Variants in SETBP1 observed in about 807,000 individuals in gnomAD.
The protein encoded by SETBP1 is SET-binding protein.
In SETBP1, 9 loss-of-function variants were observed where a neutral mutation model predicts 101.0. That is an observed-to-expected ratio of 0.09 (90% CI 0.05 to 0.16). The LOEUF (loss-of-function observed/expected upper bound fraction) is 0.16. Among genes scored for constraint, SETBP1 ranks in the 10% least tolerant of loss-of-function variants. The pLI is 1.00. For synonymous variants in SETBP1, 818 were observed against 788.5 expected (o/e 1.04, Z -0.63); for missense variants, 1,858 against 2,033.8 (o/e 0.91, Z 1.66).
intron 5 of SETBP1, among the ~76,000 whole-genome samples, chr18:45,039,357 C>G (rs1365374875): frequency 6.6e-6 from 1 of 152,228 alleles, no homozygotes; most frequent in Admixed American, 6.5e-5. Context: ...TCCACTGTGT[C>G]AGTCTCATCC....
chr18:44,796,419 C>T (rs2071476173), intron 2 of SETBP1, among the ~76,000 whole-genome samples: 1 of 152,184 alleles, frequency 6.6e-6, no homozygotes, highest in Non-Finnish European at 1.5e-5. Flanking sequence ...CTTGTCCATC[C>T]TCACTGAATG....
At chr18:45,016,030 C>G (rs1398717655) in intron 4 of SETBP1, among the ~76,000 whole-genome samples, 1 of 152,122 alleles carries the variant, frequency 6.6e-6, no homozygotes, top group Admixed American at 6.6e-5. Flanking sequence ...CCTTCCTAAA[C>G]AGACAATCCA....
At chr18:44,817,811 T>C (rs2072015544) in intron 2 of SETBP1, among the ~76,000 whole-genome samples, 1 of 152,232 alleles carries the variant, frequency 6.6e-6, no homozygotes, top group Non-Finnish European at 1.5e-5. Context: ...CGTGGGTCTC[T>C]GTTGAACGAT....
intron 5 of SETBP1, among the ~76,000 whole-genome samples, chr18:45,061,904 C>T (rs908658319): frequency 6.6e-6 from 1 of 152,194 alleles, no homozygotes; most frequent in African/African-American, 2.4e-5. Context: ...GAACATGCAG[C>T]GTAAATCATA....
chr18:44,840,154 T>C (rs2072587892), intron 2 of SETBP1, among the ~76,000 whole-genome samples: 1 of 152,240 alleles, frequency 6.6e-6, no homozygotes, highest in African/African-American at 2.4e-5. Context: ...TTATGAGGCT[T>C]ACAACGTTTA....
rs147400450 is a variant in SETBP1, at chr18:44,805,452, A to T, written c.487-63778A>T. On this transcript the variant is annotated intron_variant, in intron 2 of 5. Coordinates refer to ENST00000649279, the MANE Select transcript of SETBP1 (RefSeq NM_015559.3). Reference sequence around the variant, plus strand: ...TGTGTGTGGGTGTGTTTGTACGTGTACTTCTCTTCCTTCACCGTCTCAAAA... The same window carrying T: ...TGTGTGTGGGTGTGTTTGTACGTGTTCTTCTCTTCCTTCACCGTCTCAAAA... 1.5e-4 allele frequency among the ~76,000 whole-genome samples: 22 copies of T among 150,970 alleles called. No homozygotes were observed. The East Asian group carries it at 4.3e-3, about 30-fold the overall frequency.
intron 4 of SETBP1, among the ~76,000 whole-genome samples, chr18:44,996,581 A>T (rs1328232197): frequency 6.6e-6 from 1 of 152,228 alleles, no homozygotes; most frequent in Non-Finnish European, 1.5e-5. Flanking sequence ...AATCCTCCCC[A>T]TTCATATCGA....
At chr18:44,999,370 T>A (rs1398220679) in intron 4 of SETBP1, among the ~76,000 whole-genome samples, 1 of 152,234 alleles carries the variant, frequency 6.6e-6, no homozygotes, top group Non-Finnish European at 1.5e-5. Context: ...AGCATAAGAA[T>A]GACCCTTTGA....
intron 4 of SETBP1, among the ~76,000 whole-genome samples, chr18:44,994,181 A>G (rs2072441754): frequency 6.6e-6 from 1 of 152,096 alleles, no homozygotes; most frequent in Non-Finnish European, 1.5e-5. Flanking sequence ...TACATAAAAA[A>G]CCTGGGTAAA....
At chr18:44,911,940 C>CA (rs2070319326) in intron 3 of SETBP1, among the ~76,000 whole-genome samples, 1 of 128,470 alleles carries the variant, frequency 7.8e-6, no homozygotes, top group Non-Finnish European at 1.7e-5. Flanking sequence ...CATACACACA[C>CA]CCACACACAC....
chr18:44,872,809 G>C (rs938043902), intron 3 of SETBP1, among the ~76,000 whole-genome samples: 3 of 152,232 alleles, frequency 2.0e-5, no homozygotes, highest in African/African-American at 7.2e-5. Flanking sequence ...ACCATATTCA[G>C]ACTCAGGTCC....
At chr18:44,808,472 AG>A (rs1213291815) in intron 2 of SETBP1, among the ~76,000 whole-genome samples, 3 of 152,172 alleles carry the variant, frequency 2.0e-5, no homozygotes, top group African/African-American at 7.2e-5. Flanking sequence ...TAGCTCAGGA[AG>A]TCTTCAGGGG....
At chr18:44,898,577 G>A (rs1210437417) in intron 3 of SETBP1, among the ~76,000 whole-genome samples, 2 of 152,064 alleles carry the variant, frequency 1.3e-5, no homozygotes, top group Non-Finnish European at 2.9e-5. Flanking sequence ...TGAGTTTGGG[G>A]AAGGAAGCCA....
intron 4 of SETBP1, among the ~76,000 whole-genome samples, chr18:44,963,360 A>G (rs899282270): frequency 6.6e-6 from 1 of 152,182 alleles, no homozygotes; most frequent in Admixed American, 6.5e-5. Context: ...AGCCAAGCCC[A>G]GGGTCTAATG....
In SETBP1 at chr18:45,063,469, C is replaced by T. The variant is rs1015408696; in HGVS notation, c.4562C>T (p.Pro1521Leu). The T allele has an allele frequency of 3.4e-6, 5 of 1,456,836 alleles. No homozygotes were observed. Among genetic ancestry groups the T allele is most frequent in the South Asian group, 1.5e-5 (1 of 68,574 alleles). 90.2% of individuals were successfully genotyped at this position (1,456,836 alleles called of 1,614,324 possible). ...AVIHMAREAP[P>L]LPPPPPPPLP... is the part of the protein sequence containing the mutation. ...ATCCACATGGCCCGGGAGGCGCCGC[C>T]CCTGCCCCCGCCACCGCCGCCGCCC... is the stretch of plus-strand genomic sequence containing the variant. The change falls in exon 6 of 6, where the codon CCC becomes CTC. Residue 1521 changes from proline (P) to leucine (L), a missense_variant. Coordinates refer to ENST00000649279, the MANE Select transcript of SETBP1 (RefSeq NM_015559.3).
At chr18:44,793,576 A>G (rs868861412) in intron 2 of SETBP1, among the ~76,000 whole-genome samples, 2 of 152,208 alleles carry the variant, frequency 1.3e-5, no homozygotes, top group African/African-American at 2.4e-5. Flanking sequence ...TGTGTGTTCT[A>G]TTAAGCTCTC....
intron 4 of SETBP1, among the ~76,000 whole-genome samples, chr18:44,993,208 C>T (rs897131192): frequency 2.6e-5 from 4 of 152,032 alleles, no homozygotes; most frequent in African/African-American, 9.6e-5. Context: ...CCAAACCTAA[C>T]AATGAGACAT....
intron 2 of SETBP1, among the ~76,000 whole-genome samples, chr18:44,734,256 G>C (rs528743998): frequency 1.3e-5 from 2 of 152,322 alleles, no homozygotes; most frequent in East Asian, 3.9e-4. Context: ...TTGCCCTTCA[G>C]TGTATCTGGA....
rs114413136 is a variant in SETBP1 at position 44,893,479 on chromosome 18, C to T, written c.540+24196C>T. Among the ~76,000 whole-genome samples, 205 of 152,266 alleles carry T rather than the reference C, an allele frequency of 1.3e-3. 1 individual carries two copies. The highest frequency in any genetic ancestry group is 4.9e-3 in the African/African-American group (202 of 41,560). On this transcript the variant is annotated intron_variant, in intron 3 of 5. Coordinates refer to ENST00000649279, the MANE Select transcript of SETBP1 (RefSeq NM_015559.3). The stretch of plus-strand genomic sequence containing the variant: ...CACAGGCTCTTCAGCCCATACCCTT[C>T]ACCCTGCTTTCTAGCTGGTGCACAT...
Sources: gnomAD v4.1 joint callset for allele counts (sites outside exome capture counted in the v4.1 genomes callset) on GRCh38, gnomAD v4.1.1 for gene constraint, MANE v1.5 for transcripts, NCBI Gene and HGNC (gene_info 2026-07-23, HGNC 2026-07-21) for gene names.